The following FNDC3A variants were observed in gnomAD, a reference collection of about 807,000 sequenced individuals.
FNDC3A encodes fibronectin type-III domain-containing protein 3A.
Under a neutral mutation model 148.9 loss-of-function variants are expected in FNDC3A, and 32 were observed. The ratio of observed to expected loss-of-function variants is 0.21; its 90% CI spans 0.16 to 0.29. FNDC3A has a LOEUF of 0.29. FNDC3A is among the 10% of genes least tolerant of loss of function. The pLI is 1.00. For synonymous variants in FNDC3A, 472 were observed against 473.6 expected, an observed-to-expected ratio of 1.00 and a Z score of 0.04; for missense variants, 1,191 against 1,452.8, an observed-to-expected ratio of 0.82 and a Z score of 2.93.
chr13:49,183,997 A>G (rs1885437819), intron 14 of FNDC3A, among the ~76,000 whole-genome samples: 1 of 152,220 alleles, frequency 6.6e-6, no homozygotes, highest in Non-Finnish European at 1.5e-5. Flanking sequence ...AAGCAAACAA[A>G]TAGATTGTGG....
chr13:49,172,027 T>C lies in FNDC3A; in HGVS notation c.1177-16T>C. On this transcript the variant is annotated splice_polypyrimidine_tract_variant and intron_variant, in intron 10 of 25. Transcript: ENST00000492622. ...TACTAATTTGTTTTCATTTTGTTTT[T>C]TGGTGTTGGTTTTAGGCACCTAGTG... is the stretch of plus-strand genomic sequence containing the variant. 2 of 1,591,876 alleles carry C rather than the reference T, an allele frequency of 1.3e-6. No homozygotes were observed. Among genetic ancestry groups the C allele is most frequent in the South Asian group, 2.3e-5 (2 of 88,596 alleles).
At chr13:48,975,636 T>G (rs1057104577), upstream of FNDC3A, 1 of 152,166 alleles carries the variant, frequency 6.6e-6, no homozygotes, top group Non-Finnish European at 1.5e-5. Context: ...ACTCCACTTT[T>G]CCTGAGTGTA....
At chr13:49,118,002 T>C (rs931302306) in intron 4 of FNDC3A, among the ~76,000 whole-genome samples, 6 of 152,230 alleles carry the variant, frequency 3.9e-5, no homozygotes, top group Non-Finnish European at 8.8e-5. Context: ...ATTTTAACAA[T>C]AATCTTCCTG....
intron 2 of FNDC3A, among the ~76,000 whole-genome samples, chr13:49,050,998 A>G (rs1431237876): frequency 6.6e-6 from 1 of 152,170 alleles, no homozygotes; most frequent in Non-Finnish European, 1.5e-5. Context: ...TTTGCATGGA[A>G]TGTCTTTTTC....
At chr13:49,139,385 G>A (rs1410051285) in intron 7 of FNDC3A, among the ~76,000 whole-genome samples, 1 of 151,978 alleles carries the variant, frequency 6.6e-6, no homozygotes, top group Non-Finnish European at 1.5e-5. Context: ...ATATTTTTTG[G>A]TTCATAAAAC....
intron 4 of FNDC3A, among the ~76,000 whole-genome samples, chr13:49,123,188 A>G (rs928947051): frequency 6.6e-5 from 10 of 152,144 alleles, no homozygotes; most frequent in African/African-American, 2.4e-4. Context: ...CTCAGAAATA[A>G]TACCACACAT....
At chr13:49,182,623 AG>A (rs1885364348) in intron 14 of FNDC3A, among the ~76,000 whole-genome samples, 1 of 151,896 alleles carries the variant, frequency 6.6e-6, no homozygotes, top group Non-Finnish European at 1.5e-5. Flanking sequence ...AAGAACCTTT[AG>A]ATACTTTCAC....
rs746655551 is a variant in FNDC3A, at chr13:49,178,551, G to GT, written c.1531-11dup. 4.6e-6 allele frequency: 7 copies of GT among 1,510,202 alleles called. No individual in the cohort carries two copies. Among genetic ancestry groups the GT allele is most frequent in the South Asian group, 2.3e-5 (2 of 85,862 alleles). 93.6% of individuals were successfully genotyped at this position (1,510,202 alleles called of 1,614,324 possible). A position where few individuals can be genotyped will look rare whatever the true frequency, so the allele number is the denominator to read the frequency against. ...TTGTTAGACATCGAATGAAGACTTT[G>GT]TTTTTTCCTTTTCCAGGGATATGGT... On this transcript the variant is annotated splice_polypyrimidine_tract_variant and intron_variant, in intron 13 of 25. Transcript: ENST00000492622.
intron 10 of FNDC3A, among the ~76,000 whole-genome samples, chr13:49,170,220 G>A (rs752383755): frequency 5.9e-5 from 9 of 152,058 alleles, no homozygotes; most frequent in Admixed American, 5.2e-4. Context: ...GTTATTGGAG[G>A]ATAGTATTAT....
chr13:49,035,103 G>A, intron 2 of FNDC3A, among the ~76,000 whole-genome samples: 1 of 151,970 alleles, frequency 6.6e-6, no homozygotes, highest in South Asian at 2.1e-4. Flanking sequence ...AATTGTAAGT[G>A]GAAAACATTT....
intron 3 of FNDC3A, among the ~76,000 whole-genome samples, chr13:49,084,793 A>G (rs1878696598): frequency 6.6e-6 from 1 of 152,100 alleles, no homozygotes; most frequent in South Asian, 2.1e-4. Flanking sequence ...CAAGTGGCTC[A>G]GAACAGCTTC....
intron 8 of FNDC3A, among the ~76,000 whole-genome samples, chr13:49,152,512 G>T (rs1488428775): frequency 6.0e-5 from 9 of 150,390 alleles, no homozygotes; most frequent in African/African-American, 1.7e-4. Flanking sequence ...AAAATTGTTT[G>T]GTTTTTTTTT....
At chr13:49,071,059 G>A (rs1000431763) in intron 2 of FNDC3A, among the ~76,000 whole-genome samples, 40 of 107,986 alleles carry the variant, frequency 3.7e-4, no homozygotes, top group South Asian at 7.1e-4. Flanking sequence ...CCCCCATGCC[G>A]GCTTTTTTTT....
In FNDC3A at chr13:48,980,417, T is replaced by A. The variant is rs111709615; in HGVS notation, c.-40+4240T>A. Among the ~76,000 whole-genome samples the A allele has an allele frequency of 2.6e-5, 4 of 152,282 alleles. No homozygotes were observed. The East Asian group carries it at 7.7e-4, about 29-fold the overall frequency. The stretch of plus-strand genomic sequence containing the variant: ...TAATAAAGGGACAAGCAGTTGGACA[T>A]TCTGCAGTACTCCAGAAAGAATCAC... On this transcript the variant is annotated intron_variant, in intron 1 of 25. Coordinates refer to ENST00000492622, the MANE Select transcript of FNDC3A (RefSeq NM_001079673.2).
At chr13:49,102,858 ATAT>A (rs1245585792) in intron 3 of FNDC3A, among the ~76,000 whole-genome samples, 29 of 152,142 alleles carry the variant, frequency 1.9e-4, no homozygotes, top group Admixed American at 1.2e-3. Context: ...TATTTTTGTA[ATAT>A]TATCTCAGAT....
At position 49,197,887 on chromosome 13, in the gene FNDC3A, A is replaced by G. The variant is rs990293464; in HGVS notation, c.2490+13A>G. On this transcript the variant is annotated intron_variant, in intron 21 of 25. Transcript: ENST00000492622. ...TTGCAGGGTCCAGGTAAAGATGATC[A>G]GTACCTTGTCACTTAACTCTATCCA... 3 of 1,595,766 alleles carry G rather than the reference A, an allele frequency of 1.9e-6. No homozygotes were observed. The highest frequency in any genetic ancestry group is 1.7e-4 in the Middle Eastern group (1 of 5,982).
intron 8 of FNDC3A, among the ~76,000 whole-genome samples, chr13:49,161,705 G>A (rs1246702850): frequency 6.6e-6 from 1 of 152,180 alleles, no homozygotes; most frequent in Non-Finnish European, 1.5e-5. Context: ...TAGCATCGAT[G>A]ATGTTTACAA....
At chr13:48,981,853 T>A (rs1951699097) in intron 1 of FNDC3A, among the ~76,000 whole-genome samples, 1 of 152,092 alleles carries the variant, frequency 6.6e-6, no homozygotes, top group Admixed American at 6.5e-5. Flanking sequence ...AAGTGTTGTA[T>A]CTGTTTTCTT....
intron 2 of FNDC3A, among the ~76,000 whole-genome samples, chr13:49,031,217 T>G (rs1874094223): frequency 6.6e-6 from 1 of 152,050 alleles, no homozygotes; most frequent in Admixed American, 6.6e-5. Context: ...TGAAACTCCA[T>G]CTCTACTAAA....
Sources: gnomAD v4.1 joint callset for allele counts (sites outside exome capture counted in the v4.1 genomes callset) on GRCh38, gnomAD v4.1.1 for gene constraint, MANE v1.5 for transcripts, NCBI Gene and HGNC (gene_info 2026-07-23, HGNC 2026-07-21) for gene names.